Variants in MITF observed in about 807,000 individuals in gnomAD.
MITF encodes the protein microphthalmia-associated transcription factor.
Under a neutral mutation model 60.5 loss-of-function variants are expected in MITF, and 17 were observed. The observed-to-expected ratio is 0.28, with a 90% CI of 0.19 to 0.42. The LOEUF is 0.42. MITF is among the 10% of genes least tolerant of loss of function. The pLI, the probability that MITF is intolerant of heterozygous loss-of-function variation, is 1.00. For synonymous variants in MITF, 260 were observed against 248.5 expected (o/e 1.05, Z -0.43); for missense variants, 622 against 683.5 (o/e 0.91, Z 1.00).
At chr3:69,753,922 A>C (rs1424989146) in intron 1 of MITF, among the ~76,000 whole-genome samples, 1 of 152,156 alleles carries the variant, frequency 6.6e-6, no homozygotes, top group Admixed American at 6.5e-5. Context: ...TTAATGCTGG[A>C]ATAAGTTAAG....
At chr3:69,916,764 G>A (rs567840084) in intron 2 of MITF, among the ~76,000 whole-genome samples, 18 of 151,994 alleles carry the variant, frequency 1.2e-4, no homozygotes, top group East Asian at 1.9e-4. Context: ...AAAAAGTTTC[G>A]ATTTCATCAC....
chr3:69,891,445 T>C (rs2064757229), intron 2 of MITF, among the ~76,000 whole-genome samples: 1 of 152,190 alleles, frequency 6.6e-6, no homozygotes, highest in South Asian at 2.1e-4. Context: ...CTGGAACCTG[T>C]AGCCACTGCG....
At chr3:69,787,133 C>T (rs1457120073) in intron 1 of MITF, among the ~76,000 whole-genome samples, 4 of 152,132 alleles carry the variant, frequency 2.6e-5, no homozygotes, top group Admixed American at 2.6e-4. Flanking sequence ...GAAGCTCAAA[C>T]CGTTCTTATT....
At chr3:69,847,000 CTG>C (rs1393129967) in intron 1 of MITF, among the ~76,000 whole-genome samples, 1 of 152,008 alleles carries the variant, frequency 6.6e-6, no homozygotes, top group Non-Finnish European at 1.5e-5. Context: ...ACACATCAAA[CTG>C]GGGATTATTA....
intron 1 of MITF, among the ~76,000 whole-genome samples, chr3:69,759,148 C>T (rs973819292): frequency 2.6e-5 from 4 of 152,142 alleles, no homozygotes; most frequent in South Asian, 2.1e-4. Context: ...AGCCTCTGGT[C>T]GCAACATTTA....
chr3:69,936,501 A>G (rs1229884952), intron 2 of MITF: 3 of 997,904 alleles, frequency 3.0e-6, no homozygotes, highest in African/African-American at 1.7e-5. Flanking sequence ...TAGGGCTTCC[A>G]AAAAAAAGGC....
chr3:69,942,502 A>T lies in MITF; in HGVS notation c.762+1171A>T, dbSNP rs564326497. ...TAAATCCATCTTGATCCAATTCTTC[A>T]AGTTCACTTCCTTGAACTCATGTGG... On this transcript the variant is annotated intron_variant, in intron 5 of 9. Transcript: ENST00000352241. Among the ~76,000 whole-genome samples the T allele has an allele frequency of 2.0e-5, 3 of 152,004 alleles. No homozygotes were observed. The East Asian group carries it at 5.8e-4, about 29-fold the overall frequency.
chr3:69,854,659 A>G (rs2063885115), intron 1 of MITF, among the ~76,000 whole-genome samples: 1 of 152,202 alleles, frequency 6.6e-6, no homozygotes, highest in Non-Finnish European at 1.5e-5. Flanking sequence ...TTATTGTACA[A>G]TAGAGTTTTC....
intron 1 of MITF, among the ~76,000 whole-genome samples, chr3:69,840,033 A>G (rs1253953346): frequency 1.3e-5 from 2 of 152,180 alleles, no homozygotes; most frequent in African/African-American, 4.8e-5. Flanking sequence ...TCAGCTGATC[A>G]GTAATTTAGG....
Position 69,947,976 on chromosome 3 carries a change from T to C in MITF, c.763-1075T>C, listed in dbSNP as rs2066141705. On this transcript the variant is annotated intron_variant, in intron 5 of 9. Coordinates refer to ENST00000352241, the MANE Select transcript of MITF (RefSeq NM_001354604.2). The stretch of plus-strand genomic sequence containing the variant: ...GTTGAATACAGTTTTTACTAGATAC[T>C]TCTCAGTCACTAAACACTTTAATCA... Among the ~76,000 whole-genome samples the C allele has an allele frequency of 2.0e-5, 3 of 152,202 alleles. No homozygotes were observed. The South Asian group carries it at 6.2e-4, about 31-fold the overall frequency.
intron 1 of MITF, among the ~76,000 whole-genome samples, chr3:69,754,619 ATCTC>A (rs1179360433): frequency 6.7e-6 from 1 of 148,334 alleles, no homozygotes; most frequent in Non-Finnish European, 1.5e-5. Flanking sequence ...AACCAATTAC[ATCTC>A]TCTTTTTTTT....
intron 1 of MITF, chr3:69,752,320 A>G (rs1703967417): frequency 6.6e-6 from 1 of 152,186 alleles, no homozygotes; most frequent in Admixed American, 6.5e-5. Context: ...GACTCAGAAG[A>G]AGATAGGAAG....
chr3:69,875,192 G>T (rs954639528), intron 1 of MITF, among the ~76,000 whole-genome samples: 1 of 152,100 alleles, frequency 6.6e-6, no homozygotes, highest in Non-Finnish European at 1.5e-5. Context: ...CCTCCTCCTC[G>T]AGCCATTGCT....
At chr3:69,862,850 CACTGGAGT>C (rs2064040534) in intron 1 of MITF, among the ~76,000 whole-genome samples, 1 of 152,154 alleles carries the variant, frequency 6.6e-6, no homozygotes, top group African/African-American at 2.4e-5. Flanking sequence ...ATTGCAGAAG[CACTGGAGT>C]ACTGGTGATG....
intron 9 of MITF, among the ~76,000 whole-genome samples, chr3:69,963,337 G>A (rs1388636992): frequency 6.6e-6 from 1 of 152,120 alleles, no homozygotes; most frequent in Non-Finnish European, 1.5e-5. Context: ...TTTAGTTACT[G>A]GCATAGAACT....
chr3:69,906,436 T>C (rs1446999686), intron 2 of MITF, among the ~76,000 whole-genome samples: 1 of 152,106 alleles, frequency 6.6e-6, no homozygotes, highest in African/African-American at 2.4e-5. Flanking sequence ...AATGAGTAAA[T>C]AGTTGTGTAT....
intron 1 of MITF, among the ~76,000 whole-genome samples, chr3:69,776,667 G>C (rs916047138): frequency 2.6e-5 from 4 of 152,190 alleles, no homozygotes; most frequent in South Asian, 4.1e-4. Flanking sequence ...AATGTACCAA[G>C]TATGTTGAGC....
At chr3:69,781,640 C>T (rs1380523986) in intron 1 of MITF, among the ~76,000 whole-genome samples, 1 of 152,140 alleles carries the variant, frequency 6.6e-6, no homozygotes, top group African/African-American at 2.4e-5. Flanking sequence ...ATCAAATTCT[C>T]ATTAGATTTT....
At chr3:69,889,025 GTTTTTTTTTTTTTT>G (rs4057977) in intron 2 of MITF, among the ~76,000 whole-genome samples, 4 of 58,808 alleles carry the variant, frequency 6.8e-5, no homozygotes, top group Non-Finnish European at 9.7e-5. Context: ...ATAGCCTTTG[GTTTTTTTTTTTTTT>G]TTTTTTTTTT....
Sources: allele counts gnomAD v4.1 joint callset (sites outside exome capture counted in the v4.1 genomes callset), GRCh38; gene constraint gnomAD v4.1.1; transcripts MANE v1.5; gene names NCBI Gene and HGNC (gene_info 2026-07-23, HGNC 2026-07-21).